Variants in DCTN1 observed in about 807,000 individuals in gnomAD.
The protein encoded by DCTN1 is dynactin subunit 1.
A neutral mutation model predicts 161.2 loss-of-function variants in DCTN1; 61 were observed. The ratio of observed to expected loss-of-function variants is 0.38; its 90% CI spans 0.31 to 0.47. DCTN1 has a LOEUF of 0.47. DCTN1 is among the 20% of genes least tolerant of loss of function. The probability of loss-of-function intolerance (pLI) is 0.99; values close to 1 mark genes in which losing one functional copy is unlikely to be tolerated. For missense variants in DCTN1, 1,404 were observed against 1,623.7 expected (o/e 0.86, Z 2.33); for synonymous variants, 653 against 632.4 (o/e 1.03, Z -0.49).
chr2:74,362,552 G>A, intron 30 of DCTN1, 98 bp downstream of exon 30: 1 of 1,280,304 alleles, frequency 7.8e-7, no homozygotes. Flanking sequence ...CTCCCCAATT[G>A]CTGTCTAGCA....
Position 74,367,121 on chromosome 2 carries a change from A to C in DCTN1, c.2254-14T>G. The C allele has an allele frequency of 1.9e-6, 3 of 1,614,120 alleles. No homozygotes were observed. Among genetic ancestry groups the C allele is most frequent in the Non-Finnish European group, 2.5e-6 (3 of 1,180,020 alleles). On this transcript the variant is annotated splice_polypyrimidine_tract_variant and intron_variant, in intron 19 of 31. Transcript: ENST00000628224. ...ACTCTGCGTGAACTGTGAGGATAGA[A>C]GCATGCAATCATCAGCCCCCAGCAG...
chr2:74,380,570 C>T (rs771814833), upstream of DCTN1: 3 of 471,732 alleles, frequency 6.4e-6, no homozygotes, highest in South Asian at 1.5e-5. Context: ...CACTTCAAAG[C>T]GATCAGCTGC....
At chr2:74,371,212 C>T in intron 8 of DCTN1, 36 bp from the exon 9 acceptor site, 1 of 1,610,536 alleles carries the variant, frequency 6.2e-7, no homozygotes, top group Non-Finnish European at 8.5e-7. Context: ...GTGCACAGCC[C>T]ACTCCTCCTC....
In DCTN1 at chr2:74,361,368, G is replaced by T; in HGVS notation, c.*131C>A. The stretch of plus-strand genomic sequence containing the variant: ...AAGGGGCAGGACGCTGAAAGGGTGG[G>T]AGTGAAGCTGAACGGGGCAGGAAGA... On this transcript the variant is annotated 3_prime_UTR_variant, in exon 32 of 32. Coordinates refer to ENST00000628224, the MANE Select transcript of DCTN1 (RefSeq NM_004082.5). 1 of 1,281,050 alleles carries T rather than the reference G, an allele frequency of 7.8e-7. No individual in the cohort carries two copies. The highest frequency in any genetic ancestry group is 1.1e-6 in the Non-Finnish European group (1 of 906,116). The allele number at this position is 1,281,050 out of a possible 1,614,324, so 79.4% of individuals were successfully genotyped here. A position where few individuals can be genotyped will look rare whatever the true frequency, so the allele number is the denominator to read the frequency against.
intron 1 of DCTN1, chr2:74,390,679 G>A (rs1675953278): frequency 2.2e-6 from 1 of 454,392 alleles, no homozygotes; most frequent in Non-Finnish European, 4.6e-6. Flanking sequence ...CTATACTTTT[G>A]CTACTCAGAT....
chr2:74,368,600 T>C (rs1573157626), intron 16 of DCTN1, 128 bp downstream of exon 16: 1 of 1,272,696 alleles, frequency 7.9e-7, no homozygotes, highest in South Asian at 1.3e-5. Context: ...GTGACTTTGC[T>C]GTGTTCCTCC....
rs1410236867 is a variant in DCTN1 at position 74,361,362 on chromosome 2, G to C, written c.*137C>G. The C allele has an allele frequency of 1.5e-5, 19 of 1,227,716 alleles. No individual in the cohort carries two copies. The highest frequency in any genetic ancestry group is 2.2e-5 in the Non-Finnish European group (19 of 859,826). 76.1% of individuals were successfully genotyped at this position (1,227,716 alleles called of 1,614,324 possible). On this transcript the variant is annotated 3_prime_UTR_variant, in exon 32 of 32. Coordinates refer to ENST00000628224, the MANE Select transcript of DCTN1 (RefSeq NM_004082.5). ...AAGGTGAAGGGGCAGGACGCTGAAAGGGTGGGAGTGAAGCTGAACGGGGCA... is the reference window on the plus strand; with the variant it reads ...AAGGTGAAGGGGCAGGACGCTGAAACGGTGGGAGTGAAGCTGAACGGGGCA...
rs754334617 is a variant in DCTN1, at chr2:74,370,590, G to A, written c.1048+31C>T. 17 of 1,613,874 alleles carry A rather than the reference G, an allele frequency of 1.1e-5. No homozygotes were observed. Among genetic ancestry groups the A allele is most frequent in the East Asian group, 4.5e-5 (2 of 44,892 alleles). ...TTTCAGGCATGGTTCTCACCTGACC[G>A]TTTGGCCCCCAGCAGCTGTGGGCCC... is the stretch of plus-strand genomic sequence containing the variant. On this transcript the variant is annotated intron_variant, in intron 10 of 31. Transcript: ENST00000628224. This position sits in a 1 kb window ranked among gnomAD's most constrained non-coding sequence, Gnocchi z 4.4.
Position 74,369,359 on chromosome 2 carries a change from T to C in DCTN1, c.1525A>G (p.Thr509Ala). ...AQKRVEAAQE[T>A]VADYQQTIKK... ...ATGGTCTGCTGGTAGTCTGCAACCGTCTCCTGGGCTGCCTCCACACGCTTC... is the reference window on the plus strand; with the variant it reads ...ATGGTCTGCTGGTAGTCTGCAACCGCCTCCTGGGCTGCCTCCACACGCTTC... The change falls in exon 14 of 32, where the codon ACG becomes GCG. Residue 509 changes from threonine to alanine, a missense_variant. Physicochemically the swap from Thr to Ala is moderately conservative, Grantham distance 58 (BLOSUM62 0). This residue lies in a region of DCTN1 where 278 missense variants were observed against 363.8 expected (regional missense o/e 0.76). Transcript: ENST00000628224. The surrounding 1 kb of genome is among the most constrained non-coding windows in gnomAD (Gnocchi z 4.9). The C allele has an allele frequency of 6.2e-7, 1 of 1,614,070 alleles. No individual in the cohort carries two copies. The highest frequency in any genetic ancestry group is 8.5e-7 in the Non-Finnish European group (1 of 1,180,010).
Position 74,369,246 on chromosome 2 carries a change from TC to T in DCTN1, c.1585-33del. 1 of 1,614,036 alleles carries T rather than the reference TC, an allele frequency of 6.2e-7. No homozygotes were observed. Among genetic ancestry groups the T allele is most frequent in the Non-Finnish European group, 8.5e-7 (1 of 1,179,990 alleles). On this transcript the variant is annotated intron_variant, in intron 14 of 31. Coordinates refer to ENST00000628224, the MANE Select transcript of DCTN1 (RefSeq NM_004082.5). The surrounding 1 kb of genome is among the most constrained non-coding windows in gnomAD (Gnocchi z 4.9). The stretch of plus-strand genomic sequence containing the variant: ...GGAGAGACAGTGAAGCACAGCTGGG[TC>T]ATAAGGAAGCCCTGGGGTGATGGTG...
chr2:74,362,796 TA>T, intron 29 of DCTN1, 67 bp from the exon 30 acceptor site: 2 of 1,499,996 alleles, frequency 1.3e-6, no homozygotes, highest in South Asian at 1.2e-5. Context: ...GATTAAGGGT[TA>T]GGGGTGCAGG....
At position 74,371,584 on chromosome 2, in the gene DCTN1, C is replaced by A. The variant is rs369722109; in HGVS notation, c.598G>T (p.Val200Phe). Residue 200 changes from valine to phenylalanine, a missense_variant, in exon 8 of 32, where the codon GTC becomes TTC. Physicochemically the swap from Val to Phe is conservative, Grantham distance 50. This residue lies in a region of DCTN1 where 174 missense variants were observed against 175.6 expected (regional missense o/e 0.99). Coordinates refer to ENST00000628224, the MANE Select transcript of DCTN1 (RefSeq NM_004082.5). ...PLAAPIIPTPVLTSPGAVPPL... is the reference protein window; with the variant it reads ...PLAAPIIPTPFLTSPGAVPPL... ...GGGACTGCTCCAGGAGAGGTGAGGACCGGCGTGGGGATGATGGGTGCTGCC... is the reference window on the plus strand; with the variant it reads ...GGGACTGCTCCAGGAGAGGTGAGGAACGGCGTGGGGATGATGGGTGCTGCC... 4 of 1,586,524 alleles carry A rather than the reference C, an allele frequency of 2.5e-6. No individual in the cohort carries two copies. In the Admixed American group the frequency reaches 7.2e-5, roughly 29 times the overall value.
chr2:74,378,956 T>C (rs1226133496), intron 1 of DCTN1: 1 of 153,704 alleles, frequency 6.5e-6, no homozygotes, highest in Non-Finnish European at 1.4e-5. Context: ...CTGGAGATTC[T>C]TCTCCATGCT....
Position 74,371,088 on chromosome 2 carries a change from A to G in DCTN1, c.734T>C (p.Leu245Pro). The change falls in exon 9 of 32, where the codon CTA becomes CCA. Residue 245 changes from leucine (L) to proline (P), a missense_variant. Transcript: ENST00000628224. ...GATTTTGTGTTTCTCCAGCTCTTTT[A>G]GCTTTGCTTTGTCTTCTGCCCGTTT... The part of the protein sequence containing the change: ...RLKRAEDKAK[L>P]KELEKHKIQL... The G allele has an allele frequency of 6.2e-7, 1 of 1,614,006 alleles. No homozygotes were observed. The highest frequency in any genetic ancestry group is 8.5e-7 in the Non-Finnish European group (1 of 1,180,026).
Position 74,369,191 on chromosome 2 carries a change from G to T in DCTN1, c.1608C>A (p.Asn536Lys), listed in dbSNP as rs1558940092. The T allele has an allele frequency of 6.2e-7, 1 of 1,614,236 alleles. No individual in the cohort carries two copies. The highest frequency in any genetic ancestry group is 8.5e-7 in the Non-Finnish European group (1 of 1,180,046). The change falls in exon 15 of 32, where the codon AAC becomes AAA. Residue 536 changes from asparagine to lysine, a missense_variant. By Grantham distance (94) the Asn-to-Lys change is moderately conservative (BLOSUM62 0). Around this residue, in one of 9 missense-constraint regions of DCTN1, gnomAD observed 278 missense variants for 363.8 expected, o/e 0.76. Coordinates refer to ENST00000628224, the MANE Select transcript of DCTN1 (RefSeq NM_004082.5). The surrounding 1 kb of genome is among the most constrained non-coding windows in gnomAD (Gnocchi z 4.9). ...HLQDVNRELTNQQEASVERQQ... is the reference protein window; with the variant it reads ...HLQDVNRELTKQQEASVERQQ... ...GCCTCTCCACAGATGCTTCCTGCTG[G>T]TTTGTCAGTTCCCGATTCACATCCT...
intron 1 of DCTN1, chr2:74,386,615 T>C (rs893443033): frequency 3.4e-4 from 52 of 152,264 alleles, no homozygotes; most frequent in African/African-American, 1.1e-3. Flanking sequence ...CATTTTCAAG[T>C]CCTTACTCCC....
chr2:74,371,269 C>T, intron 8 of DCTN1, 93 bp from the exon 9 acceptor site: 1 of 1,604,058 alleles, frequency 6.2e-7, no homozygotes, highest in Non-Finnish European at 8.5e-7. Flanking sequence ...AGTGTGCAAA[C>T]ATCACCCAGC....
At chr2:74,390,579 C>T (rs1675948029) in intron 1 of DCTN1, 1 of 450,880 alleles carries the variant, frequency 2.2e-6, no homozygotes, top group Non-Finnish European at 4.7e-6. Flanking sequence ...GTCCAGACTC[C>T]TACCTTATAG....
At chr2:74,390,618 G>A (rs1260251600) in intron 1 of DCTN1, 1 of 468,566 alleles carries the variant, frequency 2.1e-6, no homozygotes, top group Non-Finnish European at 4.4e-6. Context: ...ACTCTCTCAA[G>A]GCAGCACATC....
Sources: gnomAD v4.1 joint callset for allele counts on GRCh38, gnomAD v4.1.1 for gene constraint, gnomAD v4.1.1 regional missense constraint, Gnocchi (gnomAD v3.1) non-coding constraint, MANE v1.5 for transcripts, NCBI Gene and HGNC (gene_info 2026-07-23, HGNC 2026-07-21) for gene names.